The following HMX3 variants were observed in gnomAD, a reference collection of about 807,000 sequenced individuals.
The protein encoded by HMX3 is H6 family homeobox 3, also known as homeobox protein HMX3.
A neutral mutation model predicts 22.8 loss-of-function variants in HMX3; 8 were observed. That is an observed-to-expected ratio of 0.35 (90% CI 0.21 to 0.63). The LOEUF (loss-of-function observed/expected upper bound fraction) is 0.63. Ranked by LOEUF, HMX3 falls within the 30% of genes least tolerant of loss-of-function variation. HMX3 has a pLI of 0.72. For synonymous variants in HMX3, 331 were observed against 250.9 expected (o/e 1.32, Z -3.02); for missense variants, 527 against 520.6 (o/e 1.01, Z -0.12).
rs1013343158 is a variant in HMX3 at position 123,138,636 on chromosome 10, T to C, written c.*905T>C. Among the ~76,000 whole-genome samples, 6 of 152,220 alleles carry C rather than the reference T, an allele frequency of 3.9e-5. No homozygotes were observed. Among genetic ancestry groups the C allele is most frequent in the Non-Finnish European group, 8.8e-5 (6 of 68,048 alleles). On this transcript the variant is annotated 3_prime_UTR_variant, in exon 2 of 2. Transcript: ENST00000357878. ...CCCGACTCAGGCCGCTTTTCTCTTC[T>C]GGAGAGGTCTGTTGCAATTAGCCTC... is the stretch of plus-strand genomic sequence containing the variant.
In HMX3 at chr10:123,137,524, G is replaced by C. The variant is rs779212107; in HGVS notation, c.867G>C (p.Glu289Asp). Residue 289 changes from glutamate (E) to aspartate (D), a missense_variant, in exon 2 of 2, where the codon GAG becomes GAC. By Grantham distance (45) the Glu-to-Asp change is conservative. Transcript: ENST00000357878. This position sits in a 1 kb window ranked among gnomAD's most constrained non-coding sequence, Gnocchi z 5.8. Reference protein sequence around the residue: ...RNKWKRQLAAELEAANLSHAA... With the variant: ...RNKWKRQLAADLEAANLSHAA... ...AGTGGAAGCGGCAGCTGGCGGCGGAGCTGGAGGCGGCCAACCTGAGCCATG... is the reference window on the plus strand; with the variant it reads ...AGTGGAAGCGGCAGCTGGCGGCGGACCTGGAGGCGGCCAACCTGAGCCATG... 13 of 1,612,192 alleles carry C rather than the reference G, an allele frequency of 8.1e-6. No individual in the cohort carries two copies. The highest frequency in any genetic ancestry group is 1.1e-5 in the Non-Finnish European group (13 of 1,179,792).
rs961054369 is a variant in HMX3 at position 123,136,419 on chromosome 10, C to T, written c.369C>T (p.Thr123=). 11 of 1,495,500 alleles carry T rather than the reference C, an allele frequency of 7.4e-6. No individual in the cohort carries two copies. The African/African-American group carries it at 8.7e-5, about 12-fold the overall frequency. 92.6% of individuals were successfully genotyped at this position (1,495,500 alleles called of 1,614,324 possible). The change falls in exon 1 of 2, where the codon ACC becomes ACT. Residue 123 remains threonine, a synonymous_variant. Transcript: ENST00000357878. The surrounding 1 kb of genome is among the most constrained non-coding windows in gnomAD (Gnocchi z 4.8). ...SPAWWYPYTL[T]PAGGHLPRPE... ...CCTGGTGGTACCCCTACACCCTGAC[C>T]CCCGCCGGCGGCCACCTCCCGCGAC...
Position 123,137,797 on chromosome 10 carries a change from G to T in HMX3, c.*66G>T. The T allele has an allele frequency of 5.6e-6, 7 of 1,242,682 alleles. No homozygotes were observed. The highest frequency in any genetic ancestry group is 6.3e-6 in the Non-Finnish European group (6 of 945,232). 77.0% of individuals were successfully genotyped at this position (1,242,682 alleles called of 1,614,324 possible). Reference sequence around the variant, plus strand: ...TCCGGACCCCGGAGGAGACTGGGCCGGGCCGAGGGCGCCGAGAAGTCCAGC... The same window carrying T: ...TCCGGACCCCGGAGGAGACTGGGCCTGGCCGAGGGCGCCGAGAAGTCCAGC... On this transcript the variant is annotated 3_prime_UTR_variant, in exon 2 of 2. Transcript: ENST00000357878. The surrounding 1 kb of genome is among the most constrained non-coding windows in gnomAD (Gnocchi z 5.8).
rs1844098450 is a variant in HMX3, at chr10:123,138,139, C to G, written c.*408C>G. Among the ~76,000 whole-genome samples, 1 of 98,438 alleles carries G rather than the reference C, an allele frequency of 1.0e-5. No homozygotes were observed. Among genetic ancestry groups the G allele is most frequent in the Admixed American group, 1.4e-4 (1 of 7,288 alleles). 64.6% of individuals were successfully genotyped at this position (98,438 alleles called of 152,430 possible). Reference sequence around the variant, plus strand: ...AAAACCTAAATCCCTCTAGTTTATTCTTTTCTGCTTTTTTTTTTTTTTCCG... The same window carrying G: ...AAAACCTAAATCCCTCTAGTTTATTGTTTTCTGCTTTTTTTTTTTTTTCCG... On this transcript the variant is annotated 3_prime_UTR_variant, in exon 2 of 2. Transcript: ENST00000357878.
In HMX3 at chr10:123,137,944, C is replaced by G. The variant is rs998345973; in HGVS notation, c.*213C>G. ...CATCCCTAATGGATTGGAGGCGCTT[C>G]CCCTCTTACTTTTGGTTTTTGGCTT... is the stretch of plus-strand genomic sequence containing the variant. On this transcript the variant is annotated 3_prime_UTR_variant, in exon 2 of 2. Coordinates refer to ENST00000357878, the MANE Select transcript of HMX3 (RefSeq NM_001105574.2). The surrounding 1 kb of genome is among the most constrained non-coding windows in gnomAD (Gnocchi z 5.8). Among the ~76,000 whole-genome samples, 2 of 152,214 alleles carry G rather than the reference C, an allele frequency of 1.3e-5. No homozygotes were observed.
In HMX3 at chr10:123,136,344, C is replaced by T; in HGVS notation, c.294C>T (p.Ile98=). The T allele has an allele frequency of 1.9e-6, 3 of 1,571,848 alleles. No homozygotes were observed. Among genetic ancestry groups the T allele is most frequent in the Non-Finnish European group, 2.6e-6 (3 of 1,160,242 alleles). The change falls in exon 1 of 2, where the codon ATC becomes ATT. Residue 98 remains isoleucine (I), a synonymous_variant. Transcript: ENST00000357878. This position sits in a 1 kb window ranked among gnomAD's most constrained non-coding sequence, Gnocchi z 4.8. ...ACCTGGCTTTCCCTCGCTTTGAGAT[C>T]CCGGCGCAGAGGTTTGCCCTGCCCG... ...VGDLAFPRFE[I]PAQRFALPAH...
chr10:123,138,970 C>T lies in HMX3; in HGVS notation c.*1239C>T, dbSNP rs1484928374. On this transcript the variant is annotated 3_prime_UTR_variant, in exon 2 of 2. Transcript: ENST00000357878. ...TGACCTGTGCAATATTGTACAAAAT[C>T]TCCTGAGAAAGCTGTTTCCTCCTCC... is the stretch of plus-strand genomic sequence containing the variant. Among the ~76,000 whole-genome samples, 9 of 152,238 alleles carry T rather than the reference C, an allele frequency of 5.9e-5. No individual in the cohort carries two copies. The highest frequency in any genetic ancestry group is 2.2e-4 in the African/African-American group (9 of 41,530).
In HMX3 at chr10:123,136,425, C is replaced by A; in HGVS notation, c.375C>A (p.Ala125=). ...AWWYPYTLTP[A]GGHLPRPEAS... ...GGTACCCCTACACCCTGACCCCCGC[C>A]GGCGGCCACCTCCCGCGACCTGAAG... The change falls in exon 1 of 2, where the codon GCC becomes GCA. Residue 125 remains alanine (A), a synonymous_variant. Coordinates refer to ENST00000357878, the MANE Select transcript of HMX3 (RefSeq NM_001105574.2). The surrounding 1 kb of genome is among the most constrained non-coding windows in gnomAD (Gnocchi z 4.8). The A allele has an allele frequency of 6.8e-7, 1 of 1,480,982 alleles. No homozygotes were observed. The highest frequency in any genetic ancestry group is 9.0e-7 in the Non-Finnish European group (1 of 1,113,054). 91.7% of individuals were successfully genotyped at this position (1,480,982 alleles called of 1,614,324 possible).
At position 123,137,852 on chromosome 10, in the gene HMX3, A is replaced by G; in HGVS notation, c.*121A>G. On this transcript the variant is annotated 3_prime_UTR_variant, in exon 2 of 2. Coordinates refer to ENST00000357878, the MANE Select transcript of HMX3 (RefSeq NM_001105574.2). This position sits in a 1 kb window ranked among gnomAD's most constrained non-coding sequence, Gnocchi z 5.8. ...TTCAGGAACTGGGGCTTGGGCGCGCAGCCTCTGCTTCCCCTCCCCCAGTCG... is the reference window on the plus strand; with the variant it reads ...TTCAGGAACTGGGGCTTGGGCGCGCGGCCTCTGCTTCCCCTCCCCCAGTCG... The G allele has an allele frequency of 3.1e-6, 2 of 643,524 alleles. No individual in the cohort carries two copies. The highest frequency in any genetic ancestry group is 2.4e-6 in the Non-Finnish European group (1 of 410,528). 39.9% of individuals were successfully genotyped at this position (643,524 alleles called of 1,614,324 possible). A position where few individuals can be genotyped will look rare whatever the true frequency, so the allele number is the denominator to read the frequency against.
In HMX3 at chr10:123,136,031, G is replaced by T; in HGVS notation, c.-20G>T. On this transcript the variant is annotated 5_prime_UTR_variant, in exon 1 of 2. Transcript: ENST00000357878. The surrounding 1 kb of genome is among the most constrained non-coding windows in gnomAD (Gnocchi z 4.8). Reference sequence around the variant, plus strand: ...CCTGTCCCGCTCCCTCCCTCCCGGGGACCCGGAGGAGAGGGGACCATGCCG... The same window carrying T: ...CCTGTCCCGCTCCCTCCCTCCCGGGTACCCGGAGGAGAGGGGACCATGCCG... 1 of 1,339,882 alleles carries T rather than the reference G, an allele frequency of 7.5e-7. No homozygotes were observed. Among genetic ancestry groups the T allele is most frequent in the Non-Finnish European group, 9.6e-7 (1 of 1,043,550 alleles). 83.0% of individuals were successfully genotyped at this position (1,339,882 alleles called of 1,614,324 possible).
Position 123,136,075 on chromosome 10 carries a change from G to A in HMX3, c.25G>A (p.Ala9Thr), listed in dbSNP as rs373328752. The change falls in exon 1 of 2, where the codon GCC becomes ACC. Residue 9 changes from alanine (A) to threonine (T), a missense_variant. Physicochemically the swap from Ala to Thr is moderately conservative, Grantham distance 58. Transcript: ENST00000357878. The surrounding 1 kb of genome is among the most constrained non-coding windows in gnomAD (Gnocchi z 4.8). MPEPGPDA[A>T]GTASAQPQPP... ...CATGCCGGAACCCGGGCCGGACGCT[G>A]CCGGCACCGCCAGCGCACAGCCCCA... is the stretch of plus-strand genomic sequence containing the variant. The A allele has an allele frequency of 2.7e-3, 3,845 of 1,398,378 alleles. 80 individuals carry two copies. In the African/African-American group the frequency reaches 0.051, roughly 18 times the overall value. The allele number at this position is 1,398,378 out of a possible 1,614,324, so 86.6% of individuals were successfully genotyped here. A position where few individuals can be genotyped will look rare whatever the true frequency, so the allele number is the denominator to read the frequency against.
In HMX3 at chr10:123,136,586, C is replaced by T; in HGVS notation, c.400+136C>T. ...TCGGTCAGTTTTTTTCGGCCCCTAG[C>T]CTGCCCTCGCGCTGGGTTGCGCTGC... On this transcript the variant is annotated intron_variant, in intron 1 of 1. Coordinates refer to ENST00000357878, the MANE Select transcript of HMX3 (RefSeq NM_001105574.2). This position sits in a 1 kb window ranked among gnomAD's most constrained non-coding sequence, Gnocchi z 4.8. 1.6e-6 allele frequency: 1 copy of T among 626,756 alleles called. No individual in the cohort carries two copies. Among genetic ancestry groups the T allele is most frequent in the Non-Finnish European group, 2.4e-6 (1 of 421,206 alleles). The allele number at this position is 626,756 out of a possible 1,614,324, so 38.8% of individuals were successfully genotyped here.
rs1297922582 is a variant in HMX3, at chr10:123,138,640, G to A, written c.*909G>A. Among the ~76,000 whole-genome samples the A allele has an allele frequency of 1.3e-5, 2 of 152,134 alleles. No individual in the cohort carries two copies. The highest frequency in any genetic ancestry group is 4.8e-5 in the African/African-American group (2 of 41,422). ...ACTCAGGCCGCTTTTCTCTTCTGGA[G>A]AGGTCTGTTGCAATTAGCCTCTTCA... On this transcript the variant is annotated 3_prime_UTR_variant, in exon 2 of 2. Coordinates refer to ENST00000357878, the MANE Select transcript of HMX3 (RefSeq NM_001105574.2).
At position 123,136,439 on chromosome 10, in the gene HMX3, C is replaced by G. The variant is rs762704217; in HGVS notation, c.389C>G (p.Pro130Arg). 4 of 1,447,994 alleles carry G rather than the reference C, an allele frequency of 2.8e-6. No homozygotes were observed. The highest frequency in any genetic ancestry group is 2.4e-5 in the Admixed American group (1 of 41,954). The allele number at this position is 1,447,994 out of a possible 1,614,324, so 89.7% of individuals were successfully genotyped here. A position where few individuals can be genotyped will look rare whatever the true frequency, so the allele number is the denominator to read the frequency against. The change falls in exon 1 of 2, where the codon CCG becomes CGG. Residue 130 changes from proline to arginine, a missense_variant. Pro to Arg is a moderately radical substitution (Grantham distance 103). This residue lies in a region of HMX3 where 386 missense variants were observed against 337.8 expected (regional missense o/e 1.14). Transcript: ENST00000357878. This position sits in a 1 kb window ranked among gnomAD's most constrained non-coding sequence, Gnocchi z 4.8. ...YTLTPAGGHL[P>R]RPEASEKALL... is the part of the protein sequence containing the mutation. ...CTGACCCCCGCCGGCGGCCACCTCC[C>G]GCGACCTGAAGGTACCGACCTCTCT... is the stretch of plus-strand genomic sequence containing the variant.
rs757141423 is a variant in HMX3, at chr10:123,137,347, G to A, written c.690G>A (p.Thr230=). 5.0e-6 allele frequency: 8 copies of A among 1,612,726 alleles called. No homozygotes were observed. The highest frequency in any genetic ancestry group is 6.8e-6 in the Non-Finnish European group (8 of 1,179,766). ...AGCCGGCGTGCCGCAAGAAGAAGAC[G>A]CGCACAGTCTTCTCGCGCAGCCAGG... ...EKKPACRKKK[T]RTVFSRSQVF... is the part of the protein sequence containing the mutation. The change falls in exon 2 of 2, where the codon ACG becomes ACA. Residue 230 remains threonine (T), a synonymous_variant. Transcript: ENST00000357878. The surrounding 1 kb of genome is among the most constrained non-coding windows in gnomAD (Gnocchi z 5.8).
Position 123,136,994 on chromosome 10 carries a change from G to C in HMX3, c.401-64G>C. 6.8e-7 allele frequency: 1 copy of C among 1,480,180 alleles called. No homozygotes were observed. The allele number at this position is 1,480,180 out of a possible 1,614,324, so 91.7% of individuals were successfully genotyped here. On this transcript the variant is annotated intron_variant, in intron 1 of 1. Transcript: ENST00000357878. This position sits in a 1 kb window ranked among gnomAD's most constrained non-coding sequence, Gnocchi z 4.8. The stretch of plus-strand genomic sequence containing the variant: ...CGGGTTGAGCCTGCCGTCCCCAGGC[G>C]CCGGGCCTCGCTCAAGGCTGTGTCG...
At position 123,137,686 on chromosome 10, in the gene HMX3, C is replaced by T. The variant is rs1844093806; in HGVS notation, c.1029C>T (p.Tyr343=). ...PLLTFPHPVY[Y]SHPVVSSVPL... Reference sequence around the variant, plus strand: ...TCACCTTCCCGCACCCCGTCTACTACTCGCACCCGGTGGTCTCTTCCGTGC... The same window carrying T: ...TCACCTTCCCGCACCCCGTCTACTATTCGCACCCGGTGGTCTCTTCCGTGC... The change falls in exon 2 of 2, where the codon TAC becomes TAT. Residue 343 remains tyrosine, a synonymous_variant. Coordinates refer to ENST00000357878, the MANE Select transcript of HMX3 (RefSeq NM_001105574.2). This position sits in a 1 kb window ranked among gnomAD's most constrained non-coding sequence, Gnocchi z 5.8. The T allele has an allele frequency of 6.8e-7, 1 of 1,475,636 alleles. No individual in the cohort carries two copies. Among genetic ancestry groups the T allele is most frequent in the Non-Finnish European group, 8.9e-7 (1 of 1,120,826 alleles). 91.4% of individuals were successfully genotyped at this position (1,475,636 alleles called of 1,614,324 possible). A position where few individuals can be genotyped will look rare whatever the true frequency, so the allele number is the denominator to read the frequency against.
In HMX3 at chr10:123,137,086, C is replaced by T. The variant is rs774230126; in HGVS notation, c.429C>T (p.Ser143=). Residue 143 remains serine (S), a synonymous_variant, in exon 2 of 2, where the codon TCC becomes TCT. Coordinates refer to ENST00000357878, the MANE Select transcript of HMX3 (RefSeq NM_001105574.2). This position sits in a 1 kb window ranked among gnomAD's most constrained non-coding sequence, Gnocchi z 5.8. The part of the protein sequence containing the change: ...EASEKALLRD[S]SPASGTDRDS... ...CGGAGAAGGCCTTGCTGAGAGACTC[C>T]TCCCCCGCCTCCGGCACAGACCGCG... 50 of 1,609,974 alleles carry T rather than the reference C, an allele frequency of 3.1e-5. No homozygotes were observed. In the African/African-American group the frequency reaches 5.7e-4, roughly 19 times the overall value.
rs1419137314 is a variant in HMX3, at chr10:123,137,105, G to A, written c.448G>A (p.Asp150Asn). ...AGACTCCTCCCCCGCCTCCGGCACA[G>A]ACCGCGACTCTCCGGAGCCACTGCT... ...LRDSSPASGTDRDSPEPLLKA... is the reference protein window; with the variant it reads ...LRDSSPASGTNRDSPEPLLKA... Residue 150 changes from aspartate to asparagine, a missense_variant, in exon 2 of 2, where the codon GAC becomes AAC. Coordinates refer to ENST00000357878, the MANE Select transcript of HMX3 (RefSeq NM_001105574.2). This position sits in a 1 kb window ranked among gnomAD's most constrained non-coding sequence, Gnocchi z 5.8. 2 of 1,611,148 alleles carry A rather than the reference G, an allele frequency of 1.2e-6. No homozygotes were observed. The highest frequency in any genetic ancestry group is 1.7e-5 in the Admixed American group (1 of 59,834).
Sources: allele counts gnomAD v4.1 joint callset (sites outside exome capture counted in the v4.1 genomes callset), GRCh38; gene constraint gnomAD v4.1.1; regional missense constraint gnomAD v4.1.1; non-coding constraint Gnocchi (gnomAD v3.1); transcripts MANE v1.5; gene names NCBI Gene and HGNC (gene_info 2026-07-23, HGNC 2026-07-21).